The following PCDHA1 variants were observed in gnomAD, a reference collection of about 807,000 sequenced individuals.
PCDHA1 encodes protocadherin alpha 1, also known as protocadherin alpha-1.
A neutral mutation model predicts 61.3 loss-of-function variants in PCDHA1; 42 were observed. The ratio of observed to expected loss-of-function variants is 0.69; its 90% CI spans 0.54 to 0.89. The LOEUF is 0.89. Ranked by LOEUF, PCDHA1 falls within the 40% of genes least tolerant of loss-of-function variation. The probability of loss-of-function intolerance (pLI) is 0.00; values close to 1 mark genes in which losing one functional copy is unlikely to be tolerated. For missense variants in PCDHA1, 1,256 were observed against 1,235.3 expected (o/e 1.02, Z -0.25); for synonymous variants, 610 against 553.8 (o/e 1.10, Z -1.43).
At chr5:140,968,808 T>C in intron 1 of PCDHA1, 1 of 1,614,204 alleles carries the variant, frequency 6.2e-7, no homozygotes, top group South Asian at 1.1e-5. Context: ...GTAGCTGTGG[T>C]GGATAGGGTT....
At chr5:140,853,068 A>G (rs2042618131) in intron 1 of PCDHA1, 1 of 280,152 alleles carries the variant, frequency 3.6e-6, no homozygotes, top group Non-Finnish European at 5.5e-6. Context: ...TTTAGTAGAG[A>G]TGGGGTTTCA....
intron 1 of PCDHA1, among the ~76,000 whole-genome samples, chr5:140,840,806 T>C (rs2150309377): frequency 1.9e-4 from 29 of 152,226 alleles, no homozygotes; most frequent in Non-Finnish European, 3.5e-4. Flanking sequence ...GAGTAATATA[T>C]ACCAGTGTTT....
chr5:140,834,262 C>A, intron 1 of PCDHA1: 2 of 985,850 alleles, frequency 2.0e-6, no homozygotes, highest in Non-Finnish European at 3.0e-6. Context: ...ACGCTCCACT[C>A]TCTTTCACTC....
chr5:140,827,773 C>T (rs1296750713), intron 1 of PCDHA1, among the ~76,000 whole-genome samples: 1 of 152,120 alleles, frequency 6.6e-6, no homozygotes, highest in East Asian at 1.9e-4. Context: ...TAAAAGAAGT[C>T]GGGATAACAC....
intron 3 of PCDHA1, among the ~76,000 whole-genome samples, chr5:141,002,460 C>T (rs1554258683): frequency 2.0e-5 from 3 of 152,174 alleles, no homozygotes; most frequent in African/African-American, 7.2e-5. Context: ...ATTTGTATAA[C>T]GCTTTAGCAT....
rs1554149884 is a variant in PCDHA1, at chr5:140,857,345, C to T, written c.2394+68661C>T. Reference sequence around the variant, plus strand: ...GACCGCGCGGGACGGGGGCTCGCCTCCGCTGTGGGCCACGGCCAGCGTGTC... The same window carrying T: ...GACCGCGCGGGACGGGGGCTCGCCTTCGCTGTGGGCCACGGCCAGCGTGTC... On this transcript the variant is annotated intron_variant, in intron 1 of 3. Coordinates refer to ENST00000504120, the MANE Select transcript of PCDHA1 (RefSeq NM_018900.4). The T allele has an allele frequency of 5.6e-6, 9 of 1,598,348 alleles. No homozygotes were observed. The Admixed American group carries it at 6.7e-5, about 12-fold the overall frequency.
chr5:140,877,266 C>T, intron 1 of PCDHA1: 1 of 1,613,808 alleles, frequency 6.2e-7, no homozygotes, highest in Non-Finnish European at 8.5e-7. Flanking sequence ...GCGCGGTGGA[C>T]GCTGACTCCG....
intron 1 of PCDHA1, chr5:140,860,193 A>T (rs1054138940): frequency 6.9e-6 from 1 of 145,758 alleles, no homozygotes; most frequent in Non-Finnish European, 1.5e-5. Context: ...CTCTCCTTAC[A>T]TATATATCTA....
At chr5:140,992,017 CTGTGTGTGTGTGTG>C (rs10602499) in intron 3 of PCDHA1, among the ~76,000 whole-genome samples, 7 of 145,626 alleles carry the variant, frequency 4.8e-5, no homozygotes, top group East Asian at 2.0e-4. Context: ...AGAGGTGGCT[CTGTGTGTGTGTGTG>C]TGTGTGTGTG....
intron 1 of PCDHA1, among the ~76,000 whole-genome samples, chr5:140,919,654 C>CAT (rs1554199189): frequency 6.6e-6 from 1 of 151,822 alleles, no homozygotes; most frequent in African/African-American, 2.4e-5. Context: ...TAGAGTTTAC[C>CAT]ATATATATTT....
intron 1 of PCDHA1, among the ~76,000 whole-genome samples, chr5:140,800,828 A>C (rs1226528161): frequency 6.6e-6 from 1 of 152,238 alleles, no homozygotes; most frequent in East Asian, 1.9e-4. Flanking sequence ...ATGAATTAGC[A>C]CAATTGATAG....
intron 1 of PCDHA1, chr5:140,857,926 C>T (rs1351185942): frequency 1.3e-6 from 2 of 1,597,606 alleles, no homozygotes; most frequent in Non-Finnish European, 1.7e-6. Flanking sequence ...TGGGGCTGTA[C>T]ACGGGCGAGA....
At chr5:140,861,768 T>TACAA (rs2047071882) in intron 1 of PCDHA1, 1 of 158,832 alleles carries the variant, frequency 6.3e-6, no homozygotes, top group Non-Finnish European at 1.4e-5. Flanking sequence ...TCCCTGGAAA[T>TACAA]ACCAAGAGCA....
chr5:140,803,930 A>G, intron 1 of PCDHA1: 2 of 439,354 alleles, frequency 4.6e-6, no homozygotes, highest in Non-Finnish European at 8.1e-6. Context: ...TTTTATACTT[A>G]TCCCTATACA....
chr5:140,895,523 C>T (rs2065044928), intron 1 of PCDHA1, among the ~76,000 whole-genome samples: 1 of 152,068 alleles, frequency 6.6e-6, no homozygotes, highest in South Asian at 2.1e-4. Flanking sequence ...TTGGTTTATT[C>T]GTTTTTCAAT....
At chr5:140,802,928 G>A (rs1554122450) in intron 1 of PCDHA1, 1 of 1,613,704 alleles carries the variant, frequency 6.2e-7, no homozygotes, top group Admixed American at 1.7e-5. Context: ...GTGGCGCAGT[G>A]AGCGAGCTGG....
Position 140,833,090 on chromosome 5 carries a change from A to G in PCDHA1, c.2394+44406A>G, listed in dbSNP as rs1008615900. 1.8e-4 allele frequency among the ~76,000 whole-genome samples: 27 copies of G among 152,328 alleles called. No homozygotes were observed. In the East Asian group the frequency reaches 5.2e-3, roughly 29 times the overall value. On this transcript the variant is annotated intron_variant, in intron 1 of 3. Coordinates refer to ENST00000504120, the MANE Select transcript of PCDHA1 (RefSeq NM_018900.4). ...CCTTTTGTATAACTTTGAGTACTAG[A>G]CGAGTAATTTTGACACTCTTCAAAG...
At chr5:140,898,972 C>G (rs1180112967) in intron 1 of PCDHA1, among the ~76,000 whole-genome samples, 2 of 151,980 alleles carry the variant, frequency 1.3e-5, no homozygotes, top group African/African-American at 4.8e-5. Flanking sequence ...GGAGTTCACT[C>G]ATGATTTGGC....
intron 1 of PCDHA1, among the ~76,000 whole-genome samples, chr5:140,906,797 A>G (rs2072940556): frequency 6.6e-6 from 1 of 151,964 alleles, no homozygotes; most frequent in African/African-American, 2.4e-5. Context: ...TTCCATGCAT[A>G]CTCTTCCTTA....
Sources: allele counts gnomAD v4.1 joint callset (sites outside exome capture counted in the v4.1 genomes callset), GRCh38; gene constraint gnomAD v4.1.1; transcripts MANE v1.5; gene names NCBI Gene and HGNC (gene_info 2026-07-23, HGNC 2026-07-21).